The following CNTN4 variants were observed in gnomAD, a reference collection of about 807,000 sequenced individuals.
CNTN4 encodes contactin 4, also known as contactin-4.
A neutral mutation model predicts 122.5 loss-of-function variants in CNTN4; 77 were observed. That is an observed-to-expected ratio of 0.63 (90% CI 0.52 to 0.76). CNTN4 has a LOEUF of 0.76. Among genes scored for constraint, CNTN4 ranks in the 30% least tolerant of loss-of-function variants. The probability of loss-of-function intolerance (pLI) is 0.00; values close to 1 mark genes in which losing one functional copy is unlikely to be tolerated. For synonymous variants in CNTN4, 512 were observed against 447.0 expected, an observed-to-expected ratio of 1.15 and a Z score of -1.83; for missense variants, 1,256 against 1,259.1, an observed-to-expected ratio of 1.00 and a Z score of 0.04.
At chr3:2,245,922 G>C (rs1324866193) in intron 2 of CNTN4, among the ~76,000 whole-genome samples, 1 of 151,814 alleles carries the variant, frequency 6.6e-6, no homozygotes, top group African/African-American at 2.4e-5. Context: ...TTTTCTCTCA[G>C]CTCTTCTTTC....
Position 2,496,674 on chromosome 3 carries a change from G to A in CNTN4, c.-88-74742G>A, listed in dbSNP as rs563490584. Among the ~76,000 whole-genome samples, 5 of 152,266 alleles carry A rather than the reference G, an allele frequency of 3.3e-5. No homozygotes were observed. The South Asian group carries it at 8.3e-4, about 25-fold the overall frequency. On this transcript the variant is annotated intron_variant, in intron 3 of 24. Transcript: ENST00000418658. Reference sequence around the variant, plus strand: ...AAAAGAATAGAAGAAGAGCTGAGATGCCTATGTTCAGTTCCCTTTTCCAAA... The same window carrying A: ...AAAAGAATAGAAGAAGAGCTGAGATACCTATGTTCAGTTCCCTTTTCCAAA...
At chr3:2,577,839 A>G (rs1309082453) in intron 4 of CNTN4, among the ~76,000 whole-genome samples, 2 of 152,134 alleles carry the variant, frequency 1.3e-5, no homozygotes, top group East Asian at 3.9e-4. Flanking sequence ...TGCTTGATAC[A>G]TTCTCAGTTG....
chr3:2,725,049 C>T (rs1015116271), intron 4 of CNTN4, among the ~76,000 whole-genome samples: 1 of 152,130 alleles, frequency 6.6e-6, no homozygotes, highest in Non-Finnish European at 1.5e-5. Flanking sequence ...TCATTTATAC[C>T]TCCTATTAAA....
intron 2 of CNTN4, among the ~76,000 whole-genome samples, chr3:2,331,490 A>T (rs2043719358): frequency 6.6e-6 from 1 of 152,196 alleles, no homozygotes; most frequent in African/African-American, 2.4e-5. Flanking sequence ...ACAACCAAAA[A>T]TGTCTTCAGA....
At position 2,840,542 on chromosome 3, in the gene CNTN4, T is replaced by TA. The variant is rs1260941258; in HGVS notation, c.454+20962dup. 1.7e-4 allele frequency among the ~76,000 whole-genome samples: 5 copies of TA among 29,124 alleles called. 2 individuals are homozygous for TA. The highest frequency in any genetic ancestry group is 1.0e-3 in the Non-Finnish European group (5 of 4,996). 19.1% of individuals were successfully genotyped at this position (29,124 alleles called of 152,430 possible). On this transcript the variant is annotated intron_variant, in intron 7 of 24. Coordinates refer to ENST00000418658, the MANE Select transcript of CNTN4 (RefSeq NM_175607.3). ...GGTGAAACCCCGTCTCTACTAAAAATACAAAAATTAGCCGGGCGCGGTGAT... is the reference window on the plus strand; with the variant it reads ...GGTGAAACCCCGTCTCTACTAAAAATAACAAAAATTAGCCGGGCGCGGTGAT...
At chr3:2,705,742 A>ATATGATATATAATATATAATATATATT (rs2086657999) in intron 4 of CNTN4, among the ~76,000 whole-genome samples, 1 of 100,730 alleles carries the variant, frequency 9.9e-6, no homozygotes, top group Non-Finnish European at 1.7e-5. Context: ...TATATGATAT[A>ATATGATATATAATATATAATATATATT]TATGATATAT....
At chr3:2,297,422 T>G (rs890812825) in intron 2 of CNTN4, among the ~76,000 whole-genome samples, 5 of 152,178 alleles carry the variant, frequency 3.3e-5, no homozygotes, top group Non-Finnish European at 5.9e-5. Context: ...AAGATTGTGT[T>G]AAGAGGTTAT....
At chr3:2,854,493 G>A (rs982790812) in intron 7 of CNTN4, among the ~76,000 whole-genome samples, 2 of 151,740 alleles carry the variant, frequency 1.3e-5, no homozygotes, top group Non-Finnish European at 2.9e-5. Flanking sequence ...GGCTGGTCTC[G>A]ATCTCCTGAC....
chr3:2,153,347 C>T (rs1011317329), intron 2 of CNTN4, among the ~76,000 whole-genome samples: 7 of 152,044 alleles, frequency 4.6e-5, no homozygotes, highest in African/African-American at 1.7e-4. Context: ...AAATGCCCTA[C>T]AAATGAAATG....
rs148420575 is a variant in CNTN4, at chr3:2,833,910, C to T, written c.454+14329C>T. On this transcript the variant is annotated intron_variant, in intron 7 of 24. Transcript: ENST00000418658. ...ATCCCAACACTTGGGGAGGCCAAGG[C>T]AGGCGGATCACTTGAGGTCAGGAAA... Among the ~76,000 whole-genome samples, 1,014 of 152,200 alleles carry T rather than the reference C, an allele frequency of 6.7e-3. 9 individuals carry two copies. Among genetic ancestry groups the T allele is most frequent in the African/African-American group, 0.023 (966 of 41,548 alleles).
intron 3 of CNTN4, among the ~76,000 whole-genome samples, chr3:2,508,611 G>A (rs2076799112): frequency 6.6e-6 from 1 of 152,166 alleles, no homozygotes; most frequent in Non-Finnish European, 1.5e-5. Flanking sequence ...TGACAAGAGT[G>A]TTGTTAAAAT....
At chr3:3,026,450 A>G (rs1370117771) in intron 15 of CNTN4, among the ~76,000 whole-genome samples, 173 bp downstream of exon 15, 3 of 152,154 alleles carry the variant, frequency 2.0e-5, no homozygotes, top group Admixed American at 1.3e-4. Flanking sequence ...GAACAACTCT[A>G]TATGGCAGGA....
chr3:2,651,354 T>C (rs2150195536), intron 4 of CNTN4, among the ~76,000 whole-genome samples: 1 of 152,304 alleles, frequency 6.6e-6, no homozygotes, highest in East Asian at 1.9e-4. Flanking sequence ...CTTTAATGCC[T>C]TTATTCTCTC....
intron 3 of CNTN4, among the ~76,000 whole-genome samples, chr3:2,401,183 C>T (rs891708092): frequency 2.0e-5 from 3 of 152,102 alleles, no homozygotes; most frequent in East Asian, 1.9e-4. Flanking sequence ...ATCTGAGTTA[C>T]GTTCTTTGGA....
chr3:2,347,286 A>T (rs923671512), intron 3 of CNTN4, among the ~76,000 whole-genome samples: 1 of 152,192 alleles, frequency 6.6e-6, no homozygotes, highest in Non-Finnish European at 1.5e-5. Context: ...AAATAAAGAA[A>T]ACCTGTGGAA....
chr3:2,675,208 G>T (rs1289649898), intron 4 of CNTN4, among the ~76,000 whole-genome samples: 1 of 151,416 alleles, frequency 6.6e-6, no homozygotes, highest in East Asian at 1.9e-4. Flanking sequence ...TACATGATCT[G>T]GCCCTTCCTG....
At chr3:2,891,269 G>A (rs2151047869) in intron 10 of CNTN4, among the ~76,000 whole-genome samples, 1 of 152,102 alleles carries the variant, frequency 6.6e-6, no homozygotes, top group South Asian at 2.1e-4. Context: ...TTCGAAACCA[G>A]CTCCGTCTCT....
intron 3 of CNTN4, among the ~76,000 whole-genome samples, chr3:2,348,459 A>T (rs1575430078): frequency 6.6e-6 from 1 of 152,154 alleles, no homozygotes; most frequent in Admixed American, 6.5e-5. Flanking sequence ...ACCCTGGCTC[A>T]CCAGCCCTCA....
intron 3 of CNTN4, among the ~76,000 whole-genome samples, chr3:2,495,593 C>T (rs2151702466): frequency 1.3e-5 from 2 of 152,312 alleles, no homozygotes; most frequent in South Asian, 4.1e-4. Flanking sequence ...AGCATTACCT[C>T]CTGAGCTCTG....
Sources: allele counts gnomAD v4.1 joint callset (sites outside exome capture counted in the v4.1 genomes callset), GRCh38; gene constraint gnomAD v4.1.1; transcripts MANE v1.5; gene names NCBI Gene and HGNC (gene_info 2026-07-23, HGNC 2026-07-21).